The following ADGRD1 variants were observed in gnomAD, a reference collection of about 807,000 sequenced individuals.
ADGRD1 encodes the protein G-protein coupled receptor 133.
Under a neutral mutation model 113.4 loss-of-function variants are expected in ADGRD1, and 77 were observed. The ratio of observed to expected loss-of-function variants is 0.68; its 90% CI spans 0.57 to 0.82. The LOEUF (loss-of-function observed/expected upper bound fraction) is 0.82. Ranked by LOEUF, ADGRD1 falls within the 40% of genes least tolerant of loss-of-function variation. ADGRD1 has a pLI of 0.00. For missense variants in ADGRD1, 1,036 were observed against 1,139.1 expected, an observed-to-expected ratio of 0.91 and a Z score of 1.30; for synonymous variants, 474 against 475.0, an observed-to-expected ratio of 1.00 and a Z score of 0.03.
At chr12:131,037,248 G>C (rs1881583114) in intron 13 of ADGRD1, among the ~76,000 whole-genome samples, 1 of 145,712 alleles carries the variant, frequency 6.9e-6, no homozygotes, top group South Asian at 2.2e-4. Context: ...ACTGCACTGA[G>C]CCTCACTCAC....
chr12:131,087,944 G>C (rs976802997), intron 15 of ADGRD1, among the ~76,000 whole-genome samples: 22 of 152,362 alleles, frequency 1.4e-4, no homozygotes, highest in African/African-American at 5.1e-4. Flanking sequence ...CCAGGCCTCA[G>C]TTTGAGGAGC....
chr12:131,001,984 T>A (rs1876445238), intron 9 of ADGRD1, among the ~76,000 whole-genome samples: 1 of 152,178 alleles, frequency 6.6e-6, no homozygotes, highest in Non-Finnish European at 1.5e-5. Flanking sequence ...TGGAATGAGA[T>A]TAGGTTTAAC....
intron 13 of ADGRD1, among the ~76,000 whole-genome samples, chr12:131,047,324 A>G (rs1727363): frequency 0.97 from 147,208 of 152,284 alleles, 71,366 homozygotes; most frequent in Middle Eastern, 1. Context: ...GCGAGGAGAC[A>G]TTGTGGTTTG....
chr12:131,085,370 C>T (rs548692531), intron 15 of ADGRD1, among the ~76,000 whole-genome samples: 3 of 152,100 alleles, frequency 2.0e-5, no homozygotes, highest in Admixed American at 6.5e-5. Context: ...CAGGAAGGGG[C>T]TTGGCATGGC....
intron 13 of ADGRD1, among the ~76,000 whole-genome samples, chr12:131,032,319 A>G (rs1037443499): frequency 6.6e-6 from 1 of 151,728 alleles, no homozygotes; most frequent in African/African-American, 2.4e-5. Context: ...GCCACTCGCG[A>G]CCCCGCCTAG....
Position 130,971,233 on chromosome 12 carries a change from T to G in ADGRD1, c.188-225T>G. 4.6e-6 allele frequency: 1 copy of G among 217,240 alleles called. No individual in the cohort carries two copies. Among genetic ancestry groups the G allele is most frequent in the South Asian group, 1.0e-4 (1 of 9,762 alleles). 13.5% of individuals were successfully genotyped at this position (217,240 alleles called of 1,614,324 possible). ...CAAATACATTAATATCATTTAATAT[T>G]AAATTTTTATCTGACATACACATTA... On this transcript the variant is annotated intron_variant, in intron 3 of 24. Coordinates refer to ENST00000261654, the MANE Select transcript of ADGRD1 (RefSeq NM_198827.5). This position sits in a 1 kb window ranked among gnomAD's most constrained non-coding sequence, Gnocchi z 4.2.
Position 131,136,389 on chromosome 12 carries a change from A to T in ADGRD1, c.2394+226A>T, listed in dbSNP as rs565857169. On this transcript the variant is annotated intron_variant, in intron 22 of 24. Coordinates refer to ENST00000261654, the MANE Select transcript of ADGRD1 (RefSeq NM_198827.5). ...GCCTATGCTTCTGGCCAGCATCTGT[A>T]GTTGGCATGTCCTGGCTGGGAATGG... is the stretch of plus-strand genomic sequence containing the variant. Among the ~76,000 whole-genome samples, 71 of 152,312 alleles carry T rather than the reference A, an allele frequency of 4.7e-4. No homozygotes were observed. In the South Asian group the frequency reaches 0.014, roughly 30 times the overall value.
Position 131,014,295 on chromosome 12 carries a change from C to G in ADGRD1, c.1428C>G (p.Asn476Lys). The stretch of plus-strand genomic sequence containing the variant: ...CCCCACCACCCACCCTGTCTCAGAA[C>G]CTGTCGGGCTCTCCACTCATTACGG... ...EVSPPPTLSQ[N>K]LSGSPLITVH... The change falls in exon 13 of 25, where the codon AAC (asparagine) becomes AAG (lysine). Residue 476 changes from asparagine to lysine, a missense_variant. Coordinates refer to ENST00000261654, the MANE Select transcript of ADGRD1 (RefSeq NM_198827.5). The G allele has an allele frequency of 6.2e-7, 1 of 1,614,146 alleles. No individual in the cohort carries two copies. The highest frequency in any genetic ancestry group is 8.5e-7 in the Non-Finnish European group (1 of 1,179,984).
intron 13 of ADGRD1, among the ~76,000 whole-genome samples, chr12:131,076,367 G>A (rs1282407551): frequency 6.6e-6 from 1 of 152,192 alleles, no homozygotes; most frequent in Non-Finnish European, 1.5e-5. Flanking sequence ...TGGAGCTAGA[G>A]TGGGCAGGGT....
intron 4 of ADGRD1, among the ~76,000 whole-genome samples, chr12:130,975,605 A>T (rs917886380): frequency 1.3e-5 from 2 of 152,210 alleles, no homozygotes; most frequent in Admixed American, 6.5e-5. Context: ...ATGAAAGGGA[A>T]CTGATTGCAT....
chr12:130,976,198 G>A (rs1284586128), intron 4 of ADGRD1, among the ~76,000 whole-genome samples: 1 of 142,890 alleles, frequency 7.0e-6, no homozygotes, highest in Non-Finnish European at 1.5e-5. Flanking sequence ...GGGCCTGGGG[G>A]ACACGGGCCT....
At chr12:130,988,962 A>C (rs1373190858) in intron 6 of ADGRD1, 1 of 152,550 alleles carries the variant, frequency 6.6e-6, no homozygotes, top group Non-Finnish European at 1.5e-5. Context: ...TGTCCAGAAC[A>C]TGTGGAGGAG....
At chr12:131,079,145 T>C (rs913283007) in intron 14 of ADGRD1, among the ~76,000 whole-genome samples, 2 of 152,226 alleles carry the variant, frequency 1.3e-5, no homozygotes, top group Non-Finnish European at 2.9e-5. Flanking sequence ...TTTTGCATAG[T>C]GTGTTGAGCG....
rs1882116701 is a variant in ADGRD1 at position 131,041,433 on chromosome 12, A to G, written c.1473+27093A>G. ...GATGGGGAGCTGACCCAGCCACCTG[A>G]AGCGGCTTTTGCCTCCCACCCCACC... On this transcript the variant is annotated intron_variant, in intron 13 of 24. Coordinates refer to ENST00000261654, the MANE Select transcript of ADGRD1 (RefSeq NM_198827.5). The surrounding 1 kb of genome is among the most constrained non-coding windows in gnomAD (Gnocchi z 4.4). 6.6e-6 allele frequency among the ~76,000 whole-genome samples: 1 copy of G among 152,158 alleles called. No homozygotes were observed. Among genetic ancestry groups the G allele is most frequent in the Non-Finnish European group, 1.5e-5 (1 of 68,026 alleles).
intron 15 of ADGRD1, among the ~76,000 whole-genome samples, chr12:131,102,929 G>A (rs1000739508): frequency 2.0e-5 from 3 of 152,216 alleles, no homozygotes; most frequent in South Asian, 2.1e-4. Flanking sequence ...GGGGACGGGG[G>A]CCCCATTTCT....
intron 20 of ADGRD1, among the ~76,000 whole-genome samples, chr12:131,123,909 C>G (rs575059418): frequency 6.6e-6 from 1 of 152,066 alleles, no homozygotes; most frequent in Admixed American, 6.5e-5. Context: ...TTTTGTAGAT[C>G]GAGTTTTCTT....
At chr12:130,981,044 C>G (rs1326695628) in intron 4 of ADGRD1, 1 of 152,240 alleles carries the variant, frequency 6.6e-6, no homozygotes, top group Non-Finnish European at 1.5e-5. Flanking sequence ...GTTTCAGCTG[C>G]TGCCCCCTCT....
At chr12:131,026,142 G>A (rs2136898902) in intron 13 of ADGRD1, 1 of 152,474 alleles carries the variant, frequency 6.6e-6, no homozygotes, top group South Asian at 2.1e-4. Context: ...CTGCTGGGGA[G>A]CCTGCACTCT....
At chr12:131,120,701 A>G in intron 19 of ADGRD1, 146 bp from the exon 20 acceptor site, 1 of 769,890 alleles carries the variant, frequency 1.3e-6, no homozygotes, top group South Asian at 1.4e-5. Flanking sequence ...ATAAAAATAC[A>G]TTTGCAGGGA....
Sources: allele counts gnomAD v4.1 joint callset (sites outside exome capture counted in the v4.1 genomes callset), GRCh38; gene constraint gnomAD v4.1.1; non-coding constraint Gnocchi (gnomAD v3.1); transcripts MANE v1.5; gene names NCBI Gene and HGNC (gene_info 2026-07-23, HGNC 2026-07-21).